Variants in SKOR2 observed in about 807,000 individuals in gnomAD.
The protein encoded by SKOR2 is LBX1 corepressor 1-like protein.
Under a neutral mutation model 69.1 loss-of-function variants are expected in SKOR2, and 47 were observed. The observed-to-expected ratio is 0.68, with a 90% CI of 0.54 to 0.87. The LOEUF is 0.87. SKOR2 is among the 40% of genes least tolerant of loss of function. SKOR2 has a pLI of 0.00. For missense variants in SKOR2, 1,404 were observed against 1,472.2 expected, an observed-to-expected ratio of 0.95 and a Z score of 0.76; for synonymous variants, 717 against 672.6, an observed-to-expected ratio of 1.07 and a Z score of -1.02.
Position 47,247,858 on chromosome 18 carries a change from C to T in SKOR2, c.1326G>A (p.Ala442=). The T allele has an allele frequency of 1.5e-6, 2 of 1,360,522 alleles. No individual in the cohort carries two copies. The highest frequency in any genetic ancestry group is 1.9e-6 in the Non-Finnish European group (2 of 1,066,778). 84.3% of individuals were successfully genotyped at this position (1,360,522 alleles called of 1,614,324 possible). ...ACAAGCCGGCCTTGGGCGCCGCGCCCGCGCCGCCTGCGCCCGCGCCCCCCA... is the reference window on the plus strand; with the variant it reads ...ACAAGCCGGCCTTGGGCGCCGCGCCTGCGCCGCCTGCGCCCGCGCCCCCCA... ...EALGGAGAGG[A]GAAPKAGLSG... The change falls in exon 2 of 9, where the codon GCG becomes GCA. Residue 442 remains alanine, a synonymous_variant. Transcript: ENST00000425639. The surrounding 1 kb of genome is among the most constrained non-coding windows in gnomAD (Gnocchi z 6.6).
chr18:47,215,843 G>A (rs2064142328), intron 7 of SKOR2, among the ~76,000 whole-genome samples: 1 of 152,126 alleles, frequency 6.6e-6, no homozygotes, highest in Non-Finnish European at 1.5e-5. Flanking sequence ...CATGTGCTCT[G>A]TGTTGCAGCA....
intron 4 of SKOR2, among the ~76,000 whole-genome samples, chr18:47,237,823 A>C (rs2064231259): frequency 6.6e-6 from 1 of 151,772 alleles, no homozygotes; most frequent in Non-Finnish European, 1.5e-5. Context: ...CAGCCTCCAG[A>C]GTAGCTGTGC....
In SKOR2 at chr18:47,247,531, G is replaced by T. The variant is rs1401147592; in HGVS notation, c.1653C>A (p.Ala551=). 3.0e-5 allele frequency: 36 copies of T among 1,215,544 alleles called. No individual in the cohort carries two copies. Among genetic ancestry groups the T allele is most frequent in the Non-Finnish European group, 3.7e-5 (36 of 978,458 alleles). The allele number at this position is 1,215,544 out of a possible 1,614,324, so 75.3% of individuals were successfully genotyped here. A position where few individuals can be genotyped will look rare whatever the true frequency, so the allele number is the denominator to read the frequency against. ...ACTCGAAGAGCGCGTCGCGAGAGCC[G>T]GCGCCCCCGGCAGGAGGAGGTGGGC... ...GSGPPPPAGG[A]GSRDALFESP... The change falls in exon 2 of 9, where the codon GCC becomes GCA. Residue 551 remains alanine (A), a synonymous_variant. Coordinates refer to ENST00000425639, the MANE Select transcript of SKOR2 (RefSeq NM_001278063.4). The surrounding 1 kb of genome is among the most constrained non-coding windows in gnomAD (Gnocchi z 6.6).
intron 7 of SKOR2, among the ~76,000 whole-genome samples, chr18:47,213,519 C>T (rs553513815): frequency 3.0e-4 from 46 of 151,396 alleles, no homozygotes; most frequent in African/African-American, 1.0e-3. Context: ...TATAAATCTA[C>T]AATGATGCTA....
Position 47,248,360 on chromosome 18 carries a change from C to A in SKOR2, c.824G>T (p.Gly275Val), listed in dbSNP as rs1476443593. The change falls in exon 2 of 9, where the codon GGT (glycine) becomes GTT (valine). Residue 275 changes from glycine to valine, a missense_variant. By Grantham distance (109) the Gly-to-Val change is moderately radical (BLOSUM62 -3). Transcript: ENST00000425639. The surrounding 1 kb of genome is among the most constrained non-coding windows in gnomAD (Gnocchi z 6.4). ...ACCCAGCAGGTGGGGGCCCAGCAGA[C>A]CCCCGCCTCCGGCCACCGCGGCCGC... ...AAAAAVAGGG[G>V]LLGPHLLGAP... The A allele has an allele frequency of 1.6e-6, 2 of 1,279,294 alleles. No homozygotes were observed. The highest frequency in any genetic ancestry group is 2.0e-6 in the Non-Finnish European group (2 of 1,022,104). 79.2% of individuals were successfully genotyped at this position (1,279,294 alleles called of 1,614,324 possible).
chr18:47,214,376 G>C (rs565252476), intron 7 of SKOR2, among the ~76,000 whole-genome samples: 1 of 152,140 alleles, frequency 6.6e-6, no homozygotes, highest in South Asian at 2.1e-4. Context: ...AGTCCCAAGG[G>C]TCCAGATTGG....
At chr18:47,241,773 A>T (rs976476556) in intron 4 of SKOR2, among the ~76,000 whole-genome samples, 2 of 152,138 alleles carry the variant, frequency 1.3e-5, no homozygotes, top group African/African-American at 4.8e-5. Context: ...CCTGTCTCCC[A>T]TTCAATACAG....
At chr18:47,222,669 C>A (rs1478925679) in intron 6 of SKOR2, among the ~76,000 whole-genome samples, 1 of 152,194 alleles carries the variant, frequency 6.6e-6, no homozygotes, top group Admixed American at 6.5e-5. Context: ...GAAAACTTTC[C>A]TCTGAGCCTC....
At position 47,248,459 on chromosome 18, in the gene SKOR2, C is replaced by A. The variant is rs1412520287; in HGVS notation, c.725G>T (p.Arg242Leu). 2.0e-6 allele frequency: 3 copies of A among 1,533,970 alleles called. No individual in the cohort carries two copies. The highest frequency in any genetic ancestry group is 2.6e-6 in the Non-Finnish European group (3 of 1,145,726). Residue 242 changes from arginine to leucine, a missense_variant, in exon 2 of 9, where the codon CGC (arginine) becomes CTC (leucine). Arg to Leu is a moderately radical substitution (Grantham distance 102). This residue lies in a region of SKOR2 where 1,266 missense variants were observed against 1,309.9 expected (regional missense o/e 0.97). Coordinates refer to ENST00000425639, the MANE Select transcript of SKOR2 (RefSeq NM_001278063.4). This position sits in a 1 kb window ranked among gnomAD's most constrained non-coding sequence, Gnocchi z 6.4. ...GTGCGCGCCCGGCTGGGGCAGTGCGCGCTTGCGGCTGCCGCCGTTGAACAT... is the reference window on the plus strand; with the variant it reads ...GTGCGCGCCCGGCTGGGGCAGTGCGAGCTTGCGGCTGCCGCCGTTGAACAT... ...KAMFNGGSRK[R>L]ALPQPGAHPA...
intron 6 of SKOR2, among the ~76,000 whole-genome samples, chr18:47,227,258 G>A (rs2064181678): frequency 7.1e-6 from 1 of 141,040 alleles, no homozygotes; most frequent in Admixed American, 7.4e-5. Flanking sequence ...ATCTTTATTT[G>A]TACCCTCTCC....
At chr18:47,224,926 TA>T (rs1416527201) in intron 6 of SKOR2, among the ~76,000 whole-genome samples, 4 of 151,902 alleles carry the variant, frequency 2.6e-5, no homozygotes, top group East Asian at 1.9e-4. Context: ...AGCCAAAACT[TA>T]AAAAAAAATT....
rs190097287 is a variant in SKOR2, at chr18:47,219,663, C to T, written c.2985+280G>A. Among the ~76,000 whole-genome samples the T allele has an allele frequency of 4.0e-3, 613 of 152,170 alleles. 4 individuals are homozygous for T. Among genetic ancestry groups the T allele is most frequent in the African/African-American group, 0.014 (587 of 41,506 alleles). ...CCCAGCACTGTGTTTGGGAAGTTTG[C>T]ATAATGGAAGAAAATGCAGGTACCT... On this transcript the variant is annotated intron_variant, in intron 7 of 8. Coordinates refer to ENST00000425639, the MANE Select transcript of SKOR2 (RefSeq NM_001278063.4).
chr18:47,212,017 A>G (rs1461937489), intron 8 of SKOR2, 69 bp downstream of exon 8: 8 of 1,215,866 alleles, frequency 6.6e-6, no homozygotes, highest in Admixed American at 8.5e-5. Context: ...AAACACATCA[A>G]TAAAGAATAT....
intron 6 of SKOR2, among the ~76,000 whole-genome samples, chr18:47,226,703 A>C (rs2064179939): frequency 6.6e-6 from 1 of 152,234 alleles, no homozygotes; most frequent in South Asian, 2.1e-4. Context: ...CAAGAATGTC[A>C]GCATCAAACT....
intron 7 of SKOR2, among the ~76,000 whole-genome samples, chr18:47,213,699 A>G (rs1042580127): frequency 6.6e-6 from 1 of 152,206 alleles, no homozygotes; most frequent in Non-Finnish European, 1.5e-5. Context: ...GGGCATAGAT[A>G]GCATCACTGA....
At position 47,245,478 on chromosome 18, in the gene SKOR2, ATTTT is replaced by A. The variant is rs10670977; in HGVS notation, c.2677+16_2677+19del. Reference sequence around the variant, plus strand: ...ATGCAGGCAAGAAAAGTGGCAGCTGATTTTTTTTTTTTTTTTTACCTGAAAAGCT... The same window carrying A: ...ATGCAGGCAAGAAAAGTGGCAGCTGATTTTTTTTTTTTTACCTGAAAAGCT... On this transcript the variant is annotated intron_variant, in intron 3 of 8. Coordinates refer to ENST00000425639, the MANE Select transcript of SKOR2 (RefSeq NM_001278063.4). 2.9e-4 allele frequency: 348 copies of A among 1,197,376 alleles called. No homozygotes were observed. The highest frequency in any genetic ancestry group is 1.3e-3 in the South Asian group (75 of 56,622). 74.2% of individuals were successfully genotyped at this position (1,197,376 alleles called of 1,614,324 possible).
At chr18:47,245,322 T>C (rs752623214) in intron 3 of SKOR2, among the ~76,000 whole-genome samples, 176 bp downstream of exon 3, 8 of 152,042 alleles carry the variant, frequency 5.3e-5, no homozygotes, top group Non-Finnish European at 1.0e-4. Context: ...ATAGAAATGT[T>C]GATCTTTGAA....
intron 8 of SKOR2, among the ~76,000 whole-genome samples, chr18:47,207,874 C>T (rs978325384): frequency 5.3e-5 from 8 of 152,048 alleles, no homozygotes; most frequent in Non-Finnish European, 5.9e-5. Context: ...AAAGATGCAA[C>T]GTAGCAATTA....
At chr18:47,238,310 CTTTT>C (rs1568088643) in intron 4 of SKOR2, among the ~76,000 whole-genome samples, 2 of 133,764 alleles carry the variant, frequency 1.5e-5, no homozygotes, top group African/African-American at 5.6e-5. Context: ...TAATTTTTTT[CTTTT>C]CTTTTCTTTT....
Sources: gnomAD v4.1 joint callset for allele counts (sites outside exome capture counted in the v4.1 genomes callset) on GRCh38, gnomAD v4.1.1 for gene constraint, gnomAD v4.1.1 regional missense constraint, Gnocchi (gnomAD v3.1) non-coding constraint, MANE v1.5 for transcripts, NCBI Gene and HGNC (gene_info 2026-07-23, HGNC 2026-07-21) for gene names.